The following ANKRD12 variants were observed in gnomAD, a reference collection of about 807,000 sequenced individuals.
ANKRD12 encodes the protein ankyrin repeat domain 12.
In ANKRD12, 85 loss-of-function variants were observed where a neutral mutation model predicts 183.4. The observed-to-expected ratio is 0.46, with a 90% CI of 0.39 to 0.56. ANKRD12 has a LOEUF of 0.56. ANKRD12 is among the 20% of genes least tolerant of loss of function. The pLI, the probability that ANKRD12 is intolerant of heterozygous loss-of-function variation, is 0.00. For synonymous variants in ANKRD12, 914 were observed against 800.2 expected (o/e 1.14, Z -2.40); for missense variants, 2,405 against 2,357.1 (o/e 1.02, Z -0.42).
chr18:9,262,729 C>T (rs1421447950), intron 9 of ANKRD12, among the ~76,000 whole-genome samples: 1 of 150,150 alleles, frequency 6.7e-6, no homozygotes, highest in African/African-American at 2.4e-5. Context: ...AATCCTACTT[C>T]AGCCTCCCAA....
chr18:9,252,661 T>G (rs1383078652), intron 8 of ANKRD12, among the ~76,000 whole-genome samples: 1 of 152,156 alleles, frequency 6.6e-6, no homozygotes, highest in African/African-American at 2.4e-5. Context: ...TTAACTCCCT[T>G]AAGATAATTT....
chr18:9,169,973 G>A (rs934904258), intron 1 of ANKRD12, among the ~76,000 whole-genome samples: 55 of 152,216 alleles, frequency 3.6e-4, no homozygotes, highest in Non-Finnish European at 6.5e-4. Flanking sequence ...CACTTATGAA[G>A]CTTAGTTTGG....
intron 8 of ANKRD12, 40 bp downstream of exon 8, chr18:9,222,039 ATGATATT>A (rs1567933635): frequency 6.2e-7 from 1 of 1,601,452 alleles, no homozygotes; most frequent in Non-Finnish European, 8.5e-7. Context: ...TTCGTTTGAC[ATGATATT>A]TGATAGAACA....
At chr18:9,183,672 TA>T (rs1186444647) in intron 2 of ANKRD12, among the ~76,000 whole-genome samples, 1 of 142,016 alleles carries the variant, frequency 7.0e-6, no homozygotes, top group Non-Finnish European at 1.6e-5. Context: ...AAGATAATTT[TA>T]CTTCTTTTCC....
Position 9,255,687 on chromosome 18 carries a change from A to G in ANKRD12, c.2420A>G (p.Asp807Gly), listed in dbSNP as rs1216442045. ...CTTCATTTAGTGGAAAAGGAAATAG[A>G]CATTGAAAAACAAGAAAAGCATATA... The part of the protein sequence containing the change: ...IGLHLVEKEI[D>G]IEKQEKHIKE... Residue 807 changes from aspartate (D) to glycine (G), a missense_variant, in exon 9 of 13, where the codon GAC becomes GGC. Asp to Gly is a moderately conservative substitution (Grantham distance 94). This residue lies in a region of ANKRD12 where 1,983 missense variants were observed against 1,725.9 expected (regional missense o/e 1.15). Coordinates refer to ENST00000262126, the MANE Select transcript of ANKRD12 (RefSeq NM_015208.5). 3 of 1,594,120 alleles carry G rather than the reference A, an allele frequency of 1.9e-6. No individual in the cohort carries two copies. The highest frequency in any genetic ancestry group is 2.6e-6 in the Non-Finnish European group (3 of 1,174,862).
chr18:9,174,823 A>T (rs1261815713), intron 1 of ANKRD12, among the ~76,000 whole-genome samples: 1 of 141,992 alleles, frequency 7.0e-6, no homozygotes, highest in Non-Finnish European at 1.6e-5. Flanking sequence ...TTCTTGTCTT[A>T]CAGGTGGAAA....
At chr18:9,181,224 A>G (rs2033676533) in intron 1 of ANKRD12, among the ~76,000 whole-genome samples, 1 of 152,148 alleles carries the variant, frequency 6.6e-6, no homozygotes, top group South Asian at 2.1e-4. Context: ...TGATTTAATT[A>G]TTTCCAGATT....
In ANKRD12 at chr18:9,257,403, G is replaced by A; in HGVS notation, c.4136G>A (p.Ser1379Asn). 6.2e-7 allele frequency: 1 copy of A among 1,614,128 alleles called. No individual in the cohort carries two copies. Among genetic ancestry groups the A allele is most frequent in the Non-Finnish European group, 8.5e-7 (1 of 1,180,014 alleles). ...FATSPTGASN[S>N]KYVSADRNLI... ...ACTTCTCCAACTGGAGCTTCAAACA[G>A]CAAGTATGTTTCAGCTGATAGAAAT... is the stretch of plus-strand genomic sequence containing the variant. The change falls in exon 9 of 13, where the codon AGC becomes AAC. Residue 1379 changes from serine to asparagine, a missense_variant. Physicochemically the swap from Ser to Asn is conservative, Grantham distance 46 (BLOSUM62 1). Around this residue, in one of 7 missense-constraint regions of ANKRD12, gnomAD observed 1,983 missense variants for 1,725.9 expected, o/e 1.15. Coordinates refer to ENST00000262126, the MANE Select transcript of ANKRD12 (RefSeq NM_015208.5).
chr18:9,236,248 G>A (rs943251142), intron 8 of ANKRD12, among the ~76,000 whole-genome samples: 1 of 152,072 alleles, frequency 6.6e-6, no homozygotes, highest in African/African-American at 2.4e-5. Flanking sequence ...TGTGAAGGTG[G>A]CAACTTTGCT....
chr18:9,285,559 C>A lies in ANKRD12; in HGVS notation c.*4433C>A, dbSNP rs1457885084. 2 of 151,696 alleles carry A rather than the reference C, an allele frequency of 1.3e-5. No individual in the cohort carries two copies. Among genetic ancestry groups the A allele is most frequent in the Non-Finnish European group, 2.9e-5 (2 of 67,974 alleles). The allele number at this position is 151,696 out of a possible 1,614,324, so 9.4% of individuals were successfully genotyped here. On this transcript the variant is annotated 3_prime_UTR_variant, in exon 13 of 13. Transcript: ENST00000262126. ...CTCAGTTTTTTTTCATTGTTATAGT[C>A]TGTATTCAATAAAATTACCCAGATC...
At chr18:9,194,780 T>C (rs1222104119) in intron 2 of ANKRD12, among the ~76,000 whole-genome samples, 2 of 152,236 alleles carry the variant, frequency 1.3e-5, no homozygotes, top group Non-Finnish European at 2.9e-5. Flanking sequence ...TTTGTTTTAC[T>C]GTTGTTTTAA....
chr18:9,146,261 C>CT (rs2078489617), intron 1 of ANKRD12, among the ~76,000 whole-genome samples: 1 of 152,182 alleles, frequency 6.6e-6, no homozygotes, highest in Non-Finnish European at 1.5e-5. Context: ...AGAAAGTGTT[C>CT]TATTTTAAAA....
intron 1 of ANKRD12, chr18:9,137,212 G>T (rs1209004032): frequency 1.3e-5 from 2 of 149,822 alleles, no homozygotes; most frequent in African/African-American, 4.9e-5. Flanking sequence ...GCGCGGGTCC[G>T]CCGGGGCCCC....
rs1472659778 is a variant in ANKRD12 at position 9,157,585 on chromosome 18, G to GTGTGTGTGTGTATATATA, written c.-52+20621_-52+20622insGTGTGTGTGTATATATAT. On this transcript the variant is annotated intron_variant, in intron 1 of 12. Transcript: ENST00000262126. ...TGTGTGTGTGTGTGTGTGTGTGTGT[G>GTGTGTGTGTGTATATATA]TATATATATATATATGTATTTTTTT... 1.1e-3 allele frequency among the ~76,000 whole-genome samples: 100 copies of GTGTGTGTGTGTATATATA among 92,654 alleles called. 2 individuals are homozygous for GTGTGTGTGTGTATATATA. Among genetic ancestry groups the GTGTGTGTGTGTATATATA allele is most frequent in the African/African-American group, 5.2e-3 (98 of 19,016 alleles). 60.8% of individuals were successfully genotyped at this position (92,654 alleles called of 152,430 possible).
At chr18:9,252,698 CTCGTGCCTGTAT>C (rs1290102539) in intron 8 of ANKRD12, among the ~76,000 whole-genome samples, 1 of 152,164 alleles carries the variant, frequency 6.6e-6, no homozygotes, top group East Asian at 1.9e-4. Context: ...GGTACAGTGG[CTCGTGCCTGTAT>C]TCCCAGCACT....
intron 10 of ANKRD12, among the ~76,000 whole-genome samples, chr18:9,267,797 C>T (rs1411865462): frequency 2.7e-4 from 40 of 145,840 alleles, no homozygotes; most frequent in African/African-American, 3.0e-4. Context: ...GAAATAGAGA[C>T]ACAAAAAACC....
At chr18:9,150,724 G>T (rs936007379) in intron 1 of ANKRD12, among the ~76,000 whole-genome samples, 1 of 152,044 alleles carries the variant, frequency 6.6e-6, no homozygotes, top group East Asian at 1.9e-4. Context: ...TGTGATTTCG[G>T]CTCACTGCAA....
intron 8 of ANKRD12, among the ~76,000 whole-genome samples, chr18:9,238,605 A>G (rs2037480666): frequency 6.6e-6 from 1 of 152,172 alleles, no homozygotes; most frequent in Non-Finnish European, 1.5e-5. Context: ...GCTGTTTTTG[A>G]GCACTCATTA....
At chr18:9,227,154 A>G (rs2036765512) in intron 8 of ANKRD12, among the ~76,000 whole-genome samples, 1 of 152,120 alleles carries the variant, frequency 6.6e-6, no homozygotes. Context: ...TTTAATTTAC[A>G]CTCATATACT....
Sources: gnomAD v4.1 joint callset for allele counts (sites outside exome capture counted in the v4.1 genomes callset) on GRCh38, gnomAD v4.1.1 for gene constraint, gnomAD v4.1.1 regional missense constraint, MANE v1.5 for transcripts, NCBI Gene and HGNC (gene_info 2026-07-23, HGNC 2026-07-21) for gene names.